Variants in NOL10 observed in about 807,000 individuals in gnomAD.
NOL10 encodes H_NH0074G24.1.
In NOL10, 58 loss-of-function variants were observed where a neutral mutation model predicts 103.5. The ratio of observed to expected loss-of-function variants is 0.56; its 90% CI spans 0.45 to 0.70. The LOEUF (loss-of-function observed/expected upper bound fraction) is 0.70. Ranked by LOEUF, NOL10 falls within the 30% of genes least tolerant of loss-of-function variation. The pLI, the probability that NOL10 is intolerant of heterozygous loss-of-function variation, is 0.00. For synonymous variants in NOL10, 287 were observed against 282.5 expected (o/e 1.02, Z -0.16); for missense variants, 763 against 807.3 (o/e 0.95, Z 0.67).
At chr2:10,595,666 G>A (rs1022915439) in intron 17 of NOL10, among the ~76,000 whole-genome samples, 2 of 151,108 alleles carry the variant, frequency 1.3e-5, no homozygotes, top group East Asian at 3.9e-4. Flanking sequence ...GTGCAATGGC[G>A]TGATCTTGGC....
At chr2:10,588,983 A>G (rs1675257952) in intron 19 of NOL10, 60 bp downstream of exon 19, 1 of 1,590,330 alleles carries the variant, frequency 6.3e-7, no homozygotes, top group East Asian at 2.2e-5. Flanking sequence ...GCAATGTGCC[A>G]GAGAGGAAAA....
chr2:10,660,938 T>TA (rs201143409), intron 9 of NOL10, among the ~76,000 whole-genome samples: 2,227 of 137,742 alleles, frequency 0.016, 18 homozygotes, highest in Non-Finnish European at 0.023. Flanking sequence ...AGCAAAGCAT[T>TA]AAAAAAAAAA....
intron 13 of NOL10, among the ~76,000 whole-genome samples, chr2:10,619,178 G>C (rs758845091): frequency 1.6e-4 from 25 of 152,106 alleles, no homozygotes; most frequent in Non-Finnish European, 2.8e-4. Flanking sequence ...ACAGAGTCTT[G>C]TTCTGTCACC....
intron 13 of NOL10, among the ~76,000 whole-genome samples, chr2:10,626,822 C>T (rs777367804): frequency 4.6e-5 from 7 of 152,188 alleles, no homozygotes; most frequent in Admixed American, 6.5e-5. Context: ...CAAAAACAAA[C>T]ATCATCTGAT....
At position 10,608,869 on chromosome 2, in the gene NOL10, C is replaced by T. The variant is rs77396067; in HGVS notation, c.1027-1558G>A. Among the ~76,000 whole-genome samples the T allele has an allele frequency of 4.7e-3, 718 of 152,230 alleles. 25 individuals carry two copies. The highest frequency in any genetic ancestry group is 0.047 in the East Asian group (244 of 5,178). ...AAACTCGAGCATATATAGTCTTCCA[C>T]AGAAACTTCATATTAGTGCAATCTA... On this transcript the variant is annotated intron_variant, in intron 13 of 20. Transcript: ENST00000381685.
intron 13 of NOL10, among the ~76,000 whole-genome samples, chr2:10,643,089 A>G (rs1205806596): frequency 6.6e-6 from 1 of 152,260 alleles, no homozygotes; most frequent in Non-Finnish European, 1.5e-5. Context: ...CAGTATCTGC[A>G]AGAGTCCAGG....
intron 13 of NOL10, among the ~76,000 whole-genome samples, chr2:10,631,126 T>C (rs960732819): frequency 1.4e-4 from 21 of 152,180 alleles, no homozygotes; most frequent in African/African-American, 4.8e-4. Context: ...ACACGGACAC[T>C]AACAGATTCA....
chr2:10,576,190 A>T (rs540874933), intron 20 of NOL10, among the ~76,000 whole-genome samples: 1 of 152,166 alleles, frequency 6.6e-6, no homozygotes, highest in South Asian at 2.1e-4. Context: ...ACCCACTAGC[A>T]TGGCTATAAT....
At chr2:10,627,663 A>C (rs1677558039) in intron 13 of NOL10, among the ~76,000 whole-genome samples, 1 of 151,668 alleles carries the variant, frequency 6.6e-6, no homozygotes, top group Non-Finnish European at 1.5e-5. Flanking sequence ...TGACAGCGTA[A>C]GACTCCGTCT....
intron 3 of NOL10, 75 bp downstream of exon 3, chr2:10,681,893 TAAA>T: frequency 8.6e-6 from 4 of 466,342 alleles, no homozygotes; most frequent in African/African-American, 2.1e-5. Flanking sequence ...ATATTAGGGT[TAAA>T]AAAAAAAAGA....
chr2:10,589,445 C>T, intron 18 of NOL10, 133 bp downstream of exon 18: 4 of 1,230,966 alleles, frequency 3.2e-6, no homozygotes, highest in South Asian at 1.6e-5. Flanking sequence ...AGATAATACT[C>T]CTAAGCCCAA....
chr2:10,634,518 G>A (rs1414347277), intron 13 of NOL10: 1 of 456,724 alleles, frequency 2.2e-6, no homozygotes, highest in Non-Finnish European at 4.4e-6. Flanking sequence ...GAGAAGCCGA[G>A]TAGACTGGTG....
At chr2:10,644,909 T>G (rs1483931536) in intron 12 of NOL10, among the ~76,000 whole-genome samples, 1 of 152,236 alleles carries the variant, frequency 6.6e-6, no homozygotes, top group Non-Finnish European at 1.5e-5. Context: ...TTTTGTTCCC[T>G]TTTCTCTGCC....
intron 13 of NOL10, among the ~76,000 whole-genome samples, chr2:10,626,797 G>T (rs755662206): frequency 3.3e-5 from 5 of 152,194 alleles, no homozygotes; most frequent in Admixed American, 2.0e-4. Flanking sequence ...CATGCCAGAT[G>T]TAAGACTATT....
chr2:10,602,488 A>T (rs979845943), intron 16 of NOL10, among the ~76,000 whole-genome samples: 7 of 152,244 alleles, frequency 4.6e-5, no homozygotes, highest in Middle Eastern at 3.2e-3. Context: ...AAACCCATTT[A>T]AAAATGCTAT....
intron 13 of NOL10, among the ~76,000 whole-genome samples, chr2:10,638,794 T>C (rs1678497704): frequency 1.9e-5 from 1 of 51,470 alleles, no homozygotes; most frequent in Non-Finnish European, 4.0e-5. Context: ...TGCCTGGCCT[T>C]TTTTTTTTTT....
At chr2:10,674,389 T>A (rs1452196440) in intron 4 of NOL10, among the ~76,000 whole-genome samples, 1 of 152,164 alleles carries the variant, frequency 6.6e-6, no homozygotes, top group Non-Finnish European at 1.5e-5. Flanking sequence ...TCAGTGCCAT[T>A]CAAAATTCTA....
intron 19 of NOL10, among the ~76,000 whole-genome samples, chr2:10,581,039 C>A (rs1312242220): frequency 6.6e-6 from 1 of 152,126 alleles, no homozygotes; most frequent in Non-Finnish European, 1.5e-5. Context: ...TTTACATATG[C>A]CATAAGGTTT....
chr2:10,638,335 A>ACGTGACGTG (rs1558311325), intron 13 of NOL10, among the ~76,000 whole-genome samples: 10 of 119,292 alleles, frequency 8.4e-5, no homozygotes, highest in African/African-American at 3.9e-4. Flanking sequence ...GACGTGACGT[A>ACGTGACGTG]ACGTAACGTA....
Sources: gnomAD v4.1 joint callset for allele counts (sites outside exome capture counted in the v4.1 genomes callset) on GRCh38, gnomAD v4.1.1 for gene constraint, MANE v1.5 for transcripts, NCBI Gene and HGNC (gene_info 2026-07-23, HGNC 2026-07-21) for gene names.